Variants in EYS observed in about 807,000 individuals in gnomAD.
The protein encoded by EYS is protein eyes shut homolog.
In EYS, 250 loss-of-function variants were observed where a neutral mutation model predicts 282.1. The observed-to-expected ratio is 0.89, with a 90% CI of 0.80 to 0.98. EYS has a LOEUF of 0.98. EYS is among the 50% of genes least tolerant of loss of function. The pLI is 0.00. For missense variants in EYS, 4,016 were observed against 3,709.0 expected (o/e 1.08, Z -2.15); for synonymous variants, 1,355 against 1,282.9 (o/e 1.06, Z -1.20).
chr6:65,664,168 C>T (rs1759553545), intron 1 of EYS, among the ~76,000 whole-genome samples: 1 of 152,076 alleles, frequency 6.6e-6, no homozygotes, highest in Admixed American at 6.6e-5. Flanking sequence ...CCGCGCCCGG[C>T]CCATAAATTT....
At chr6:65,212,808 T>C (rs1223522719) in intron 12 of EYS, among the ~76,000 whole-genome samples, 2 of 152,146 alleles carry the variant, frequency 1.3e-5, no homozygotes, top group African/African-American at 2.4e-5. Context: ...AAATAAGTTA[T>C]ATTCATAAAA....
At chr6:64,575,030 T>A (rs1468425525) in intron 26 of EYS, among the ~76,000 whole-genome samples, 3 of 152,056 alleles carry the variant, frequency 2.0e-5, no homozygotes, top group Admixed American at 6.6e-5. Context: ...ATAGAGAAGA[T>A]AAAAATGCAT....
Position 64,989,394 on chromosome 6 carries a change from AATATATATAT to A in EYS, c.2259+8178_2259+8187del, listed in dbSNP as rs60684321. On this transcript the variant is annotated intron_variant, in intron 14 of 42. Transcript: ENST00000503581. Reference sequence around the variant, plus strand: ...AAGAGGCTATTTACTGGCTAGCTGTAATATATATATATATATATATATGAATATATATGAG... The same window carrying A: ...AAGAGGCTATTTACTGGCTAGCTGTAATATATATATATGAATATATATGAG... 7.2e-5 allele frequency among the ~76,000 whole-genome samples: 5 copies of A among 69,722 alleles called. 1 individual carries two copies. Among genetic ancestry groups the A allele is most frequent in the Admixed American group, 1.4e-4 (1 of 7,240 alleles). 45.7% of individuals were successfully genotyped at this position (69,722 alleles called of 152,430 possible).
At chr6:65,331,225 T>C in intron 11 of EYS, 1 of 713,010 alleles carries the variant, frequency 1.4e-6, no homozygotes, top group Non-Finnish European at 1.7e-6. Context: ...TGTGAATTAA[T>C]TTGGGAAGAA....
rs1562053397 is a variant in EYS, at chr6:65,256,342, A to G, written c.2023+39521T>C. On this transcript the variant is annotated intron_variant, in intron 12 of 42. Transcript: ENST00000503581. The stretch of plus-strand genomic sequence containing the variant: ...GTGCAGGTTAGTTACATATGTATAC[A>G]TGTGCCATGCTGGTGTGCTGCACCC... Among the ~76,000 whole-genome samples, 7 of 139,992 alleles carry G rather than the reference A, an allele frequency of 5.0e-5. No homozygotes were observed. The South Asian group carries it at 1.6e-3, about 31-fold the overall frequency. The allele number at this position is 139,992 out of a possible 152,430, so 91.8% of individuals were successfully genotyped here. A position where few individuals can be genotyped will look rare whatever the true frequency, so the allele number is the denominator to read the frequency against.
chr6:64,120,747 T>G (rs112354333), intron 31 of EYS, among the ~76,000 whole-genome samples: 10,372 of 152,180 alleles, frequency 0.068, 1,077 homozygotes, highest in African/African-American at 0.23. Context: ...TTATATTTAG[T>G]TATATAAGTT....
At chr6:63,903,183 G>A (rs1773697029) in intron 35 of EYS, among the ~76,000 whole-genome samples, 1 of 152,136 alleles carries the variant, frequency 6.6e-6, no homozygotes, top group Admixed American at 6.5e-5. Flanking sequence ...AGGTTATATG[G>A]AAGAATGAAC....
intron 19 of EYS, among the ~76,000 whole-genome samples, chr6:64,866,265 C>G (rs1276259664): frequency 6.6e-6 from 1 of 151,828 alleles, no homozygotes; most frequent in Non-Finnish European, 1.5e-5. Context: ...AAAATTGCCT[C>G]TTTCTATTTT....
chr6:64,874,521 T>A (rs1012513197), intron 19 of EYS, among the ~76,000 whole-genome samples: 1 of 152,108 alleles, frequency 6.6e-6, no homozygotes, highest in African/African-American at 2.4e-5. Context: ...TATTTTAGTT[T>A]GGATTCTGCT....
At position 64,743,293 on chromosome 6, in the gene EYS, A is replaced by T. The variant is rs569313158; in HGVS notation, c.3443+70085T>A. On this transcript the variant is annotated intron_variant, in intron 22 of 42. Transcript: ENST00000503581. Reference sequence around the variant, plus strand: ...CATGGGGTGATTTCATAAATATGACATGTGTAGGTGACAAAAGACAAAAGG... The same window carrying T: ...CATGGGGTGATTTCATAAATATGACTTGTGTAGGTGACAAAAGACAAAAGG... Among the ~76,000 whole-genome samples, 4 of 152,232 alleles carry T rather than the reference A, an allele frequency of 2.6e-5. No individual in the cohort carries two copies. The South Asian group carries it at 8.3e-4, about 32-fold the overall frequency.
chr6:65,102,163 T>G (rs1774913986), intron 12 of EYS, among the ~76,000 whole-genome samples: 1 of 151,496 alleles, frequency 6.6e-6, no homozygotes, highest in East Asian at 1.9e-4. Context: ...ACAATTAGAC[T>G]TAAGCAAATA....
intron 36 of EYS, among the ~76,000 whole-genome samples, chr6:63,862,145 G>C (rs1772550831): frequency 6.6e-6 from 1 of 151,994 alleles, no homozygotes; most frequent in Non-Finnish European, 1.5e-5. Context: ...TCTTGTCTTG[G>C]TGACCTGTTA....
rs1195516155 is a variant in EYS, at chr6:63,720,407, A to G, written c.*189T>C. On this transcript the variant is annotated 3_prime_UTR_variant, in exon 43 of 43. Coordinates refer to ENST00000503581, the MANE Select transcript of EYS (RefSeq NM_001142800.2). ...CATGAATCAAAATATATACAGATAA[A>G]TTAGATGTAGGAAAAACAATCAGAA... 1.9e-6 allele frequency: 1 copy of G among 519,114 alleles called. No individual in the cohort carries two copies. The highest frequency in any genetic ancestry group is 3.3e-6 in the Non-Finnish European group (1 of 300,358). 32.2% of individuals were successfully genotyped at this position (519,114 alleles called of 1,614,324 possible).
chr6:65,598,091 C>T (rs1562279490), intron 2 of EYS, among the ~76,000 whole-genome samples: 1 of 150,918 alleles, frequency 6.6e-6, no homozygotes, highest in Non-Finnish European at 1.5e-5. Flanking sequence ...CAGAACGAAA[C>T]CTTGTCAAAA....
At chr6:65,349,101 C>A (rs1770504848) in intron 9 of EYS, among the ~76,000 whole-genome samples, 1 of 151,202 alleles carries the variant, frequency 6.6e-6, no homozygotes, top group African/African-American at 2.4e-5. Flanking sequence ...ATTAAATAGT[C>A]CCTACTTATT....
intron 12 of EYS, among the ~76,000 whole-genome samples, chr6:65,140,488 C>A (rs1178094916): frequency 6.6e-6 from 1 of 151,762 alleles, no homozygotes; most frequent in African/African-American, 2.4e-5. Flanking sequence ...GAAATAATGG[C>A]AGAAAATGTA....
chr6:65,212,683 T>C (rs1361899909), intron 12 of EYS, among the ~76,000 whole-genome samples: 6 of 152,102 alleles, frequency 3.9e-5, no homozygotes, highest in African/African-American at 1.4e-4. Flanking sequence ...TACTAGACAG[T>C]GCTGTTCTAA....
chr6:65,660,804 A>G (rs1033235597), intron 1 of EYS, among the ~76,000 whole-genome samples: 1 of 151,790 alleles, frequency 6.6e-6, no homozygotes, highest in Non-Finnish European at 1.5e-5. Flanking sequence ...TTGTAAACTT[A>G]TATTTTGAAA....
chr6:65,610,613 A>G (rs1200355530), intron 2 of EYS, among the ~76,000 whole-genome samples: 4 of 152,052 alleles, frequency 2.6e-5, no homozygotes, highest in Non-Finnish European at 4.4e-5. Context: ...AATTTGACAC[A>G]TGTCCTCTGT....
Sources: gnomAD v4.1 joint callset for allele counts (sites outside exome capture counted in the v4.1 genomes callset) on GRCh38, gnomAD v4.1.1 for gene constraint, MANE v1.5 for transcripts, NCBI Gene and HGNC (gene_info 2026-07-23, HGNC 2026-07-21) for gene names.